ACADL: variants seen among roughly 807,000 people sequenced by gnomAD.
The protein encoded by ACADL is acyl-CoA dehydrogenase long chain, also known as long-chain specific acyl-CoA dehydrogenase, mitochondrial.
Under a neutral mutation model 56.9 loss-of-function variants are expected in ACADL, and 60 were observed. The observed-to-expected ratio is 1.05, with a 90% CI of 0.86 to 1.31. The LOEUF is 1.31. ACADL is among the 50% of genes most tolerant of loss of function. ACADL has a pLI of 0.00. For synonymous variants in ACADL, 158 were observed against 179.7 expected (o/e 0.88, Z 0.97); for missense variants, 484 against 525.5 (o/e 0.92, Z 0.77).
At chr2:210,211,526 C>G (rs1015217077) in intron 4 of ACADL, among the ~76,000 whole-genome samples, 1 of 152,128 alleles carries the variant, frequency 6.6e-6, no homozygotes, top group African/African-American at 2.4e-5. Context: ...TTTCCCCTTG[C>G]TGTTCTTGTG....
In ACADL at chr2:210,216,520, G is replaced by A; in HGVS notation, c.372-9C>T. 6.3e-7 allele frequency: 1 copy of A among 1,585,242 alleles called. No individual in the cohort carries two copies. The highest frequency in any genetic ancestry group is 8.6e-7 in the Non-Finnish European group (1 of 1,162,732). On this transcript the variant is annotated splice_polypyrimidine_tract_variant and intron_variant, in intron 3 of 10. Coordinates refer to ENST00000233710, the MANE Select transcript of ACADL (RefSeq NM_001608.4). The stretch of plus-strand genomic sequence containing the variant: ...AACAATTTGAATAAGCTCTTAGAAT[G>A]AAAAAAGAAGAAAAATTAGAGCATA...
intron 8 of ACADL, among the ~76,000 whole-genome samples, chr2:210,197,030 T>C (rs1465863641): frequency 6.6e-6 from 1 of 152,212 alleles, no homozygotes; most frequent in Non-Finnish European, 1.5e-5. Context: ...ACAGTTTTGA[T>C]ACTTACCATT....
chr2:210,222,851 C>G (rs1009911905), intron 1 of ACADL, among the ~76,000 whole-genome samples: 4 of 152,114 alleles, frequency 2.6e-5, no homozygotes, highest in African/African-American at 9.7e-5. Flanking sequence ...TACTTTATCC[C>G]TATAATGGAA....
chr2:210,188,847 G>C lies in ACADL; in HGVS notation c.*114C>G. 1 of 776,094 alleles carries C rather than the reference G, an allele frequency of 1.3e-6. No homozygotes were observed. Among genetic ancestry groups the C allele is most frequent in the South Asian group, 1.4e-5 (1 of 71,186 alleles). The allele number at this position is 776,094 out of a possible 1,614,324, so 48.1% of individuals were successfully genotyped here. Reference sequence around the variant, plus strand: ...TTTATATTTTATTTCCTTCTCTATAGAGAGAGCAGGTAAAAACATGTTTAG... The same window carrying C: ...TTTATATTTTATTTCCTTCTCTATACAGAGAGCAGGTAAAAACATGTTTAG... On this transcript the variant is annotated 3_prime_UTR_variant, in exon 11 of 11. Coordinates refer to ENST00000233710, the MANE Select transcript of ACADL (RefSeq NM_001608.4).
chr2:210,214,529 G>GAAAAAGAAAGAAAGAAAGAAAT (rs1559640017), intron 4 of ACADL, among the ~76,000 whole-genome samples: 1 of 138,200 alleles, frequency 7.2e-6, no homozygotes, highest in Non-Finnish European at 1.6e-5. Flanking sequence ...AAGAAAGAAA[G>GAAAAAGAAAGAAAGAAAGAAAT]AAATCTGCTT....
At chr2:210,216,713 A>G in intron 3 of ACADL, 2 of 539,828 alleles carry the variant, frequency 3.7e-6, no homozygotes, top group South Asian at 4.2e-5. Flanking sequence ...GTGGTCTACC[A>G]GAGTTCAATG....
rs531421056 is a variant in ACADL at position 210,196,877 on chromosome 2, A to G, written c.985-1539T>C. Among the ~76,000 whole-genome samples, 7 of 152,338 alleles carry G rather than the reference A, an allele frequency of 4.6e-5. No homozygotes were observed. The South Asian group carries it at 1.0e-3, about 23-fold the overall frequency. On this transcript the variant is annotated intron_variant, in intron 8 of 10. Coordinates refer to ENST00000233710, the MANE Select transcript of ACADL (RefSeq NM_001608.4). ...GAAATTAAACACATCCCACCTAGGTACTACCAAGTCCAAAGCCACAGCTGT... is the reference window on the plus strand; with the variant it reads ...GAAATTAAACACATCCCACCTAGGTGCTACCAAGTCCAAAGCCACAGCTGT...
chr2:210,195,206 C>T lies in ACADL; in HGVS notation c.1112+5G>A, dbSNP rs73984347. On this transcript the variant is annotated splice_donor_5th_base_variant and intron_variant, in intron 9 of 10. Transcript: ENST00000233710. The stretch of plus-strand genomic sequence containing the variant: ...ACCGCACTCTAATTACTGTAGCATG[C>T]ATACCAATATTTCGCCATGCAAGCA... 240 of 1,613,784 alleles carry T rather than the reference C, an allele frequency of 1.5e-4. 1 individual carries two copies. The African/African-American group carries it at 3.1e-3, about 21-fold the overall frequency.
intron 1 of ACADL, among the ~76,000 whole-genome samples, chr2:210,223,748 C>CT (rs1313053718): frequency 2.6e-5 from 4 of 152,064 alleles, no homozygotes; most frequent in African/African-American, 7.2e-5. Flanking sequence ...ACTCTTTTCA[C>CT]TTTTTTTCTG....
At chr2:210,224,034 TG>T (rs1220002743) in intron 1 of ACADL, among the ~76,000 whole-genome samples, 1 of 151,820 alleles carries the variant, frequency 6.6e-6, no homozygotes, top group Admixed American at 6.6e-5. Context: ...GAGCCCAGCC[TG>T]GTCAATATGG....
chr2:210,205,605 C>A, intron 6 of ACADL, 27 bp downstream of exon 6: 1 of 1,609,192 alleles, frequency 6.2e-7, no homozygotes, highest in Non-Finnish European at 8.5e-7. Context: ...CAATTAGTAT[C>A]TGAATATGAT....
intron 2 of ACADL, chr2:210,218,714 T>C (rs573739198): frequency 6.5e-6 from 1 of 153,478 alleles, no homozygotes; most frequent in African/African-American, 2.4e-5. Context: ...CAAGCTTAGT[T>C]ATGGCATGTT....
chr2:210,214,053 T>C (rs1689032595), intron 4 of ACADL, among the ~76,000 whole-genome samples: 1 of 151,610 alleles, frequency 6.6e-6, no homozygotes, highest in East Asian at 1.9e-4. Context: ...ATGAAAGCAT[T>C]TATAAAATGC....
At chr2:210,191,861 G>A (rs1688638104) in intron 10 of ACADL, among the ~76,000 whole-genome samples, 2 of 151,960 alleles carry the variant, frequency 1.3e-5, no homozygotes, top group African/African-American at 4.8e-5. Flanking sequence ...ATTTTCTAGG[G>A]TGATGAGGAA....
chr2:210,188,920 C>A lies in ACADL; in HGVS notation c.*41G>T. On this transcript the variant is annotated 3_prime_UTR_variant, in exon 11 of 11. Transcript: ENST00000233710. ...CATTTTATCTTGAGCAGATTTAAAA[C>A]GAGATTAGCTGTAATAGGACTCCAG... The A allele has an allele frequency of 2.1e-6, 3 of 1,418,066 alleles. No homozygotes were observed. Among genetic ancestry groups the A allele is most frequent in the Non-Finnish European group, 3.0e-6 (3 of 1,001,402 alleles). 87.8% of individuals were successfully genotyped at this position (1,418,066 alleles called of 1,614,324 possible). A position where few individuals can be genotyped will look rare whatever the true frequency, so the allele number is the denominator to read the frequency against.
At chr2:210,225,063 G>A (rs1689246826) in intron 1 of ACADL, 124 bp downstream of exon 1, 2 of 1,498,242 alleles carry the variant, frequency 1.3e-6, no homozygotes, top group Non-Finnish European at 8.8e-7. Flanking sequence ...GCCCGGCGCC[G>A]GAGTTGGGGA....
At chr2:210,208,568 A>G (rs1318850659) in intron 5 of ACADL, among the ~76,000 whole-genome samples, 3 of 152,208 alleles carry the variant, frequency 2.0e-5, no homozygotes, top group Non-Finnish European at 4.4e-5. Context: ...TGCTTATAAA[A>G]TAACAGAAAA....
intron 10 of ACADL, 136 bp from the exon 11 acceptor site, chr2:210,189,190 C>A: frequency 1.6e-6 from 1 of 631,032 alleles, no homozygotes; most frequent in Non-Finnish European, 2.8e-6. Context: ...CTTATTTTTT[C>A]AATATGGCAT....
rs769348791 is a variant in ACADL, at chr2:210,189,048, A to G, written c.1206T>C (p.Tyr402=). Residue 402 remains tyrosine (Y), a synonymous_variant, in exon 11 of 11, where the codon TAT becomes TAC. Coordinates refer to ENST00000233710, the MANE Select transcript of ACADL (RefSeq NM_001608.4). ...YMWEYPIAKA[Y]VDARVQPIYG... ...AGATTGGCTGAACTCTGGCATCCAC[A>G]TAAGCTCTGGATAAATCAGATGATT... 2.1e-5 allele frequency: 33 copies of G among 1,608,924 alleles called. No homozygotes were observed. Among genetic ancestry groups the G allele is most frequent in the South Asian group, 3.3e-5 (3 of 90,984 alleles).
Sources: gnomAD v4.1 joint callset for allele counts (sites outside exome capture counted in the v4.1 genomes callset) on GRCh38, gnomAD v4.1.1 for gene constraint, MANE v1.5 for transcripts, NCBI Gene and HGNC (gene_info 2026-07-23, HGNC 2026-07-21) for gene names.